SPIRE1: variants seen among roughly 807,000 people sequenced by gnomAD.
The protein encoded by SPIRE1 is spire type actin nucleation factor 1.
A neutral mutation model predicts 94.1 loss-of-function variants in SPIRE1; 40 were observed. The observed-to-expected ratio is 0.43, with a 90% CI of 0.33 to 0.55. SPIRE1 has a LOEUF of 0.55. Among genes scored for constraint, SPIRE1 ranks in the 20% least tolerant of loss-of-function variants. SPIRE1 has a pLI of 0.06. For synonymous variants in SPIRE1, 376 were observed against 371.7 expected, an observed-to-expected ratio of 1.01 and a Z score of -0.13; for missense variants, 838 against 975.2, an observed-to-expected ratio of 0.86 and a Z score of 1.87.
intron 2 of SPIRE1, among the ~76,000 whole-genome samples, chr18:12,579,641 T>C (rs2036205216): frequency 6.6e-6 from 1 of 152,218 alleles, no homozygotes; most frequent in South Asian, 2.1e-4. Context: ...ATGTATTTTA[T>C]CACAAACATA....
At chr18:12,637,892 C>CA (rs1322425664) in intron 1 of SPIRE1, among the ~76,000 whole-genome samples, 3 of 152,136 alleles carry the variant, frequency 2.0e-5, no homozygotes, top group Non-Finnish European at 4.4e-5. Flanking sequence ...CAATGACCTG[C>CA]ATTATAAAAC....
chr18:12,623,206 T>C (rs1187672398), intron 2 of SPIRE1, among the ~76,000 whole-genome samples: 1 of 151,960 alleles, frequency 6.6e-6, no homozygotes, highest in Non-Finnish European at 1.5e-5. Flanking sequence ...CAGGCTGGAG[T>C]GCAGTGGCGT....
chr18:12,546,752 C>T lies in SPIRE1; in HGVS notation c.525G>A (p.Glu175=). The T allele has an allele frequency of 6.2e-7, 1 of 1,614,164 alleles. No individual in the cohort carries two copies. Among genetic ancestry groups the T allele is most frequent in the Non-Finnish European group, 8.5e-7 (1 of 1,180,028 alleles). ...EADGSNDEGY[E]AAEEGLGDED... is the part of the protein sequence containing the mutation. The stretch of plus-strand genomic sequence containing the variant: ...CATCTCCCAGGCCTTCTTCTGCAGC[C>T]TCATAGCCCTCATCATTGCTACCGT... Residue 175 remains glutamate, a synonymous_variant, in exon 3 of 17, where the codon GAG becomes GAA. Transcript: ENST00000409402.
At chr18:12,609,245 C>G (rs555049100) in intron 2 of SPIRE1, among the ~76,000 whole-genome samples, 1 of 152,166 alleles carries the variant, frequency 6.6e-6, no homozygotes, top group South Asian at 2.1e-4. Context: ...AGCATTCAAA[C>G]GGTACACAAA....
At chr18:12,479,629 C>T in intron 10 of SPIRE1, 70 bp downstream of exon 10, 1 of 1,366,056 alleles carries the variant, frequency 7.3e-7, no homozygotes, top group African/African-American at 1.5e-5. Flanking sequence ...GCAAGATAAT[C>T]AGTAAACTGC....
At chr18:12,532,215 T>C (rs2034703276) in intron 4 of SPIRE1, among the ~76,000 whole-genome samples, 1 of 152,216 alleles carries the variant, frequency 6.6e-6, no homozygotes, top group South Asian at 2.1e-4. Context: ...AAATTTGCTT[T>C]CTAAATAAAT....
chr18:12,658,485 CCCGG>C, upstream of SPIRE1: 1 of 451,446 alleles, frequency 2.2e-6, no homozygotes, highest in Non-Finnish European at 4.7e-6. Flanking sequence ...CAGGGAAGTC[CCCGG>C]CCGACTCTGG....
At chr18:12,450,794 A>G (rs1354544383) in intron 16 of SPIRE1, 2 of 727,916 alleles carry the variant, frequency 2.7e-6, no homozygotes, top group Non-Finnish European at 5.0e-6. Context: ...AAACCCTGGC[A>G]TCTCTATTGG....
intron 2 of SPIRE1, among the ~76,000 whole-genome samples, chr18:12,556,877 C>A (rs1031801689): frequency 1.3e-5 from 2 of 152,166 alleles, no homozygotes; most frequent in African/African-American, 4.8e-5. Context: ...GTTGCCACTG[C>A]TGGCTTGGGC....
chr18:12,463,823 A>G (rs553887889), intron 11 of SPIRE1, among the ~76,000 whole-genome samples: 3 of 152,280 alleles, frequency 2.0e-5, no homozygotes, highest in African/African-American at 7.2e-5. Flanking sequence ...TTCTTTCTAC[A>G]TGTTTACCAA....
chr18:12,634,509 C>T (rs557537926), intron 2 of SPIRE1, among the ~76,000 whole-genome samples: 3 of 151,690 alleles, frequency 2.0e-5, no homozygotes, highest in Non-Finnish European at 4.4e-5. Flanking sequence ...AATAATAATA[C>T]GGTTAAATTT....
chr18:12,624,493 A>G (rs1418597334), intron 2 of SPIRE1, among the ~76,000 whole-genome samples: 2 of 149,598 alleles, frequency 1.3e-5, no homozygotes, highest in Non-Finnish European at 3.0e-5. Context: ...CAGTGAGCCG[A>G]GATCGTACCA....
At chr18:12,555,494 G>C (rs1378421227) in intron 2 of SPIRE1, among the ~76,000 whole-genome samples, 1 of 152,038 alleles carries the variant, frequency 6.6e-6, no homozygotes, top group Non-Finnish European at 1.5e-5. Context: ...ATTTTTCCCA[G>C]GGATGCAAAG....
At chr18:12,610,404 T>C (rs1300686832) in intron 2 of SPIRE1, among the ~76,000 whole-genome samples, 2 of 152,180 alleles carry the variant, frequency 1.3e-5, no homozygotes, top group African/African-American at 4.8e-5. Flanking sequence ...CTACCATCCA[T>C]TGATCTTAAG....
intron 9 of SPIRE1, among the ~76,000 whole-genome samples, chr18:12,483,152 G>T (rs2032905492): frequency 6.6e-6 from 1 of 151,914 alleles, no homozygotes; most frequent in African/African-American, 2.4e-5. Flanking sequence ...ACAGGGTTTT[G>T]CCATGTTGCC....
chr18:12,658,794 G>A (rs943344883), upstream of SPIRE1: 8 of 313,338 alleles, frequency 2.6e-5, no homozygotes, highest in Non-Finnish European at 5.2e-5. Context: ...TAAAGACGGG[G>A]ATCTTTACGG....
At chr18:12,497,154 A>T in intron 6 of SPIRE1, among the ~76,000 whole-genome samples, 1 of 152,208 alleles carries the variant, frequency 6.6e-6, no homozygotes, top group Non-Finnish European at 1.5e-5. Flanking sequence ...TAAGATTCAC[A>T]TTTTGTAAAT....
intron 2 of SPIRE1, among the ~76,000 whole-genome samples, chr18:12,576,893 A>C (rs1269015526): frequency 2.0e-5 from 3 of 150,468 alleles, no homozygotes; most frequent in African/African-American, 7.3e-5. Context: ...TGTTTCACAA[A>C]AAAAAAAAAA....
intron 2 of SPIRE1, among the ~76,000 whole-genome samples, chr18:12,565,697 T>C (rs747008287): frequency 6.7e-6 from 1 of 149,348 alleles, no homozygotes; most frequent in Non-Finnish European, 1.5e-5. Context: ...CAAATAAAAA[T>C]GGAAGAAATT....
Sources: allele counts gnomAD v4.1 joint callset (sites outside exome capture counted in the v4.1 genomes callset), GRCh38; gene constraint gnomAD v4.1.1; transcripts MANE v1.5; gene names NCBI Gene and HGNC (gene_info 2026-07-23, HGNC 2026-07-21).